The following TANC2 variants were observed in gnomAD, a reference collection of about 807,000 sequenced individuals.
The protein encoded by TANC2 is tetratricopeptide repeat, ankyrin repeat and coiled-coil containing 2.
In TANC2, 26 loss-of-function variants were observed where a neutral mutation model predicts 210.5. That is an observed-to-expected ratio of 0.12 (90% confidence interval 0.09 to 0.17). TANC2 has a LOEUF of 0.17. Among genes scored for constraint, TANC2 ranks in the 10% least tolerant of loss-of-function variants. The probability of loss-of-function intolerance (pLI) is 1.00; values close to 1 mark genes in which losing one functional copy is unlikely to be tolerated. For synonymous variants in TANC2, 931 were observed against 967.1 expected (o/e 0.96, Z 0.69); for missense variants, 2,129 against 2,608.9 (o/e 0.82, Z 4.01).
chr17:63,010,714 A>G (rs899680482), intron 2 of TANC2, among the ~76,000 whole-genome samples: 3 of 152,164 alleles, frequency 2.0e-5, no homozygotes, highest in South Asian at 2.1e-4. Flanking sequence ...CTCAGGTTCT[A>G]TCATTTGTTA....
At chr17:63,177,303 T>C (rs967916219) in intron 5 of TANC2, among the ~76,000 whole-genome samples, 8 of 150,960 alleles carry the variant, frequency 5.3e-5, no homozygotes, top group Admixed American at 3.3e-4. Flanking sequence ...TATTGAATTG[T>C]ATATGTTATA....
At chr17:63,357,338 A>C (rs945649745) in intron 14 of TANC2, among the ~76,000 whole-genome samples, 2 of 152,182 alleles carry the variant, frequency 1.3e-5, no homozygotes, top group Admixed American at 6.5e-5. Context: ...AGAGGAGAAA[A>C]TACGGCTTTT....
At chr17:63,149,970 T>C (rs1217959535) in intron 4 of TANC2, 1 of 152,136 alleles carries the variant, frequency 6.6e-6, no homozygotes. Context: ...CGTGACTTAG[T>C]TGTCTGTTGG....
intron 2 of TANC2, among the ~76,000 whole-genome samples, chr17:63,052,050 G>C (rs2035601589): frequency 6.6e-6 from 1 of 152,198 alleles, no homozygotes; most frequent in Admixed American, 6.5e-5. Flanking sequence ...AAGCACAGAA[G>C]AGAGAAGTTC....
At chr17:63,116,397 G>T (rs995377494) in intron 4 of TANC2, among the ~76,000 whole-genome samples, 3 of 152,188 alleles carry the variant, frequency 2.0e-5, no homozygotes, top group Admixed American at 2.0e-4. Flanking sequence ...TCCCCTGGAA[G>T]GGGGAGCTCT....
At chr17:63,260,199 G>C (rs1264139221) in intron 8 of TANC2, among the ~76,000 whole-genome samples, 1 of 152,224 alleles carries the variant, frequency 6.6e-6, no homozygotes, top group Admixed American at 6.5e-5. Context: ...CTGCTGTACT[G>C]CCAGTGACTG....
At chr17:63,220,737 T>G (rs1220198000) in intron 7 of TANC2, among the ~76,000 whole-genome samples, 1 of 145,016 alleles carries the variant, frequency 6.9e-6, no homozygotes, top group Non-Finnish European at 1.5e-5. Context: ...TATATATATA[T>G]GTATATATAT....
At chr17:62,999,121 C>A (rs1437594215) in intron 1 of TANC2, among the ~76,000 whole-genome samples, 1 of 152,152 alleles carries the variant, frequency 6.6e-6, no homozygotes. Context: ...GGGAGCAGAT[C>A]CCTCATGTCT....
intron 11 of TANC2, among the ~76,000 whole-genome samples, chr17:63,336,135 A>T (rs2046019289): frequency 6.6e-6 from 1 of 152,194 alleles, no homozygotes; most frequent in African/African-American, 2.4e-5. Flanking sequence ...AGTCCCAAAA[A>T]TATTAAAAAT....
At chr17:62,992,390 G>A (rs1027166496) in intron 1 of TANC2, among the ~76,000 whole-genome samples, 2 of 152,212 alleles carry the variant, frequency 1.3e-5, no homozygotes, top group African/African-American at 4.8e-5. Flanking sequence ...TATGTTGTGA[G>A]ATTCTGCTGT....
chr17:63,340,247 C>T, exon 12 of TANC2: 1 of 1,613,946 alleles, frequency 6.2e-7, no homozygotes. Context: ...ACCTGCAGAG[C>T]ATGCTGAGCC....
chr17:63,246,521 C>A (rs552095158), intron 8 of TANC2, among the ~76,000 whole-genome samples: 1 of 152,118 alleles, frequency 6.6e-6, no homozygotes, highest in Non-Finnish European at 1.5e-5. Flanking sequence ...TTGACAGAGT[C>A]TATATATTTG....
intron 14 of TANC2, among the ~76,000 whole-genome samples, chr17:63,359,982 C>G (rs761707193): frequency 6.6e-6 from 1 of 152,170 alleles, no homozygotes; most frequent in African/African-American, 2.4e-5. Flanking sequence ...GTGAATTACA[C>G]GTTGGAGACC....
At chr17:63,012,017 C>CTT (rs559717868) in intron 2 of TANC2, among the ~76,000 whole-genome samples, 41 of 134,526 alleles carry the variant, frequency 3.0e-4, no homozygotes, top group African/African-American at 4.4e-4. Context: ...TTGATCAAAA[C>CTT]TTTTTTTTTT....
chr17:63,201,777 G>A (rs191459393), intron 7 of TANC2, among the ~76,000 whole-genome samples: 95 of 151,730 alleles, frequency 6.3e-4, no homozygotes, highest in Admixed American at 3.3e-3. Flanking sequence ...TATTATCTCC[G>A]GTAGACTCTA....
At chr17:63,186,677 A>G (rs2040999494) in intron 5 of TANC2, among the ~76,000 whole-genome samples, 1 of 152,030 alleles carries the variant, frequency 6.6e-6, no homozygotes, top group South Asian at 2.1e-4. Context: ...CTTCTATACT[A>G]TTCTTGGATC....
chr17:63,098,920 C>G (rs2037516687), intron 3 of TANC2, among the ~76,000 whole-genome samples: 2 of 151,968 alleles, frequency 1.3e-5, no homozygotes, highest in Admixed American at 1.3e-4. Flanking sequence ...TCTTGTATTT[C>G]CTTATATGAT....
At chr17:62,995,930 A>G (rs1396066291) in intron 1 of TANC2, among the ~76,000 whole-genome samples, 2 of 152,222 alleles carry the variant, frequency 1.3e-5, no homozygotes, top group Non-Finnish European at 2.9e-5. Context: ...TGTAATTATA[A>G]GAACTTCCAA....
At chr17:63,210,388 C>T (rs966781291) in intron 7 of TANC2, among the ~76,000 whole-genome samples, 2 of 152,226 alleles carry the variant, frequency 1.3e-5, no homozygotes, top group East Asian at 3.8e-4. Flanking sequence ...GAAGCAGACT[C>T]TGATTATCCC....
Sources: allele counts gnomAD v4.1 joint callset (sites outside exome capture counted in the v4.1 genomes callset), GRCh38; gene constraint gnomAD v4.1.1; transcripts MANE v1.5; gene names NCBI Gene and HGNC (gene_info 2026-07-23, HGNC 2026-07-21).